TRDMT1: variants seen among roughly 807,000 people sequenced by gnomAD.
TRDMT1 encodes the protein tRNA (cytosine(38)-C(5))-methyltransferase.
A neutral mutation model predicts 51.2 loss-of-function variants in TRDMT1; 49 were observed. That is an observed-to-expected ratio of 0.96 (90% CI 0.76 to 1.21). The LOEUF is 1.21. Among genes scored for constraint, TRDMT1 ranks in the 50% most tolerant of loss-of-function variants. The pLI is 0.00. For synonymous variants in TRDMT1, 187 were observed against 164.6 expected (o/e 1.14, Z -1.04); for missense variants, 534 against 462.3 (o/e 1.16, Z -1.42).
rs1260819814 is a variant in TRDMT1 at position 17,145,694 on chromosome 10, A to G, written c.*3346T>C. The G allele has an allele frequency of 2.0e-6, 2 of 985,312 alleles. No homozygotes were observed. The highest frequency in any genetic ancestry group is 2.4e-6 in the Non-Finnish European group (2 of 829,928). The allele number at this position is 985,312 out of a possible 1,614,324, so 61.0% of individuals were successfully genotyped here. On this transcript the variant is annotated 3_prime_UTR_variant, in exon 11 of 11. Coordinates refer to ENST00000377799, the MANE Select transcript of TRDMT1 (RefSeq NM_004412.7). ...TATGTGGGATTAAAATTTGGTCCTT[A>G]TTGTGTTATCTTGGCTTTTTTAGAA...
At chr10:17,178,548 C>G (rs369747503) in intron 1 of TRDMT1, among the ~76,000 whole-genome samples, 2 of 151,876 alleles carry the variant, frequency 1.3e-5, no homozygotes, top group South Asian at 4.2e-4. Context: ...TGGTGGCACA[C>G]GCCTGTAATC....
At chr10:17,187,725 G>C (rs1476773586) in intron 1 of TRDMT1, among the ~76,000 whole-genome samples, 3 of 152,150 alleles carry the variant, frequency 2.0e-5, no homozygotes, top group Non-Finnish European at 4.4e-5. Flanking sequence ...CAGGGCAGAG[G>C]ATACAAGTTT....
intron 1 of TRDMT1, among the ~76,000 whole-genome samples, chr10:17,182,612 A>T (rs1233733311): frequency 6.6e-6 from 1 of 152,204 alleles, no homozygotes; most frequent in African/African-American, 2.4e-5. Flanking sequence ...GAAGGTCAAG[A>T]GTCTTCAATT....
intron 6 of TRDMT1, 84 bp downstream of exon 6, chr10:17,160,221 T>C: frequency 1.1e-6 from 1 of 887,546 alleles, no homozygotes; most frequent in East Asian, 3.0e-5. Flanking sequence ...AATAAAGCCA[T>C]TCTGCTTATC....
intron 2 of TRDMT1, among the ~76,000 whole-genome samples, chr10:17,171,042 C>A (rs1234777340): frequency 2.0e-5 from 3 of 151,592 alleles, no homozygotes; most frequent in Non-Finnish European, 4.4e-5. Context: ...TGGTGGACAT[C>A]CTTGTCTTTT....
At chr10:17,198,199 CT>C (rs1347047364) in intron 1 of TRDMT1, among the ~76,000 whole-genome samples, 3 of 152,116 alleles carry the variant, frequency 2.0e-5, no homozygotes, top group South Asian at 4.1e-4. Flanking sequence ...AAACGGAGTG[CT>C]CATGCAATGG....
intron 1 of TRDMT1, among the ~76,000 whole-genome samples, chr10:17,193,278 G>T (rs1272904915): frequency 6.6e-6 from 1 of 152,248 alleles, no homozygotes; most frequent in Admixed American, 6.5e-5. Flanking sequence ...CAGGAGAATC[G>T]CTGGAACCCA....
Position 17,149,063 on chromosome 10 carries a change from G to T in TRDMT1, c.1153C>A (p.Leu385Ile). The stretch of plus-strand genomic sequence containing the variant: ...AATTATTCATATAAGATTTTGATTA[G>T]TTTAGCTACTACATGCACGTTGAGA... The part of the protein sequence containing the change: ...NSLNVHVVAK[L>I]IKILYE The change falls in exon 11 of 11, where the codon CTA becomes ATA. Residue 385 changes from leucine (L) to isoleucine (I), a missense_variant. Physicochemically the swap from Leu to Ile is conservative, Grantham distance 5. Coordinates refer to ENST00000377799, the MANE Select transcript of TRDMT1 (RefSeq NM_004412.7). The T allele has an allele frequency of 6.2e-7, 1 of 1,610,000 alleles. No homozygotes were observed.
Position 17,161,470 on chromosome 10 carries a change from T to A in TRDMT1, c.389+13A>T. 1 of 1,365,324 alleles carries A rather than the reference T, an allele frequency of 7.3e-7. No individual in the cohort carries two copies. The highest frequency in any genetic ancestry group is 9.8e-7 in the Non-Finnish European group (1 of 1,016,940). 84.6% of individuals were successfully genotyped at this position (1,365,324 alleles called of 1,614,324 possible). A position where few individuals can be genotyped will look rare whatever the true frequency, so the allele number is the denominator to read the frequency against. ...AAGTCTAAGATGTATGCAAGACAAA[T>A]ACATTTTTTTACCTTGTAGAAGATA... On this transcript the variant is annotated intron_variant, in intron 5 of 10. Coordinates refer to ENST00000377799, the MANE Select transcript of TRDMT1 (RefSeq NM_004412.7).
At position 17,137,340 on chromosome 10, in the gene TRDMT1, T is replaced by C. The variant is rs1302890216; in HGVS notation, c.*11700A>G. 6.6e-5 allele frequency: 10 copies of C among 152,154 alleles called. No homozygotes were observed. The highest frequency in any genetic ancestry group is 6.5e-4 in the Admixed American group (10 of 15,278). 9.4% of individuals were successfully genotyped at this position (152,154 alleles called of 1,614,324 possible). A position where few individuals can be genotyped will look rare whatever the true frequency, so the allele number is the denominator to read the frequency against. On this transcript the variant is annotated 3_prime_UTR_variant, in exon 11 of 11. Transcript: ENST00000377799. ...ACGAAGTCCTTGACCATGGGGGAAA[T>C]TTGAAAGAAGTAAATTTATTGACCT...
rs936866404 is a variant in TRDMT1, at chr10:17,157,845, C to T, written c.544-61G>A. The T allele has an allele frequency of 2.3e-6, 3 of 1,299,764 alleles. No individual in the cohort carries two copies. In the African/African-American group the frequency reaches 4.4e-5, roughly 19 times the overall value. 80.5% of individuals were successfully genotyped at this position (1,299,764 alleles called of 1,614,324 possible). A position where few individuals can be genotyped will look rare whatever the true frequency, so the allele number is the denominator to read the frequency against. ...TTGCATTAAAAATAAGAGAAATTAA[C>T]AATGTCCAGTCAACATTACGAAAAC... On this transcript the variant is annotated intron_variant, in intron 7 of 10. Transcript: ENST00000377799.
At chr10:17,166,262 T>C (rs2131466347) in intron 3 of TRDMT1, among the ~76,000 whole-genome samples, 1 of 150,810 alleles carries the variant, frequency 6.6e-6, no homozygotes, top group South Asian at 2.1e-4. Context: ...CAGCAAACTA[T>C]CACAAGGACA....
chr10:17,184,030 C>G (rs1843601094), intron 1 of TRDMT1, among the ~76,000 whole-genome samples: 1 of 152,184 alleles, frequency 6.6e-6, no homozygotes, highest in African/African-American at 2.4e-5. Context: ...TTATGAAAGT[C>G]TTCTAAAGAT....
intron 1 of TRDMT1, among the ~76,000 whole-genome samples, chr10:17,183,541 C>T (rs1251727677): frequency 6.6e-6 from 1 of 152,086 alleles, no homozygotes; most frequent in East Asian, 1.9e-4. Context: ...CTTCAGCTTC[C>T]TGAGTAGCTG....
chr10:17,194,104 A>G (rs1345437900), intron 1 of TRDMT1, among the ~76,000 whole-genome samples: 1 of 152,244 alleles, frequency 6.6e-6, no homozygotes, highest in Non-Finnish European at 1.5e-5. Context: ...GGCTAGCCAT[A>G]TGCAGGAGAA....
At chr10:17,170,690 G>C (rs1477077575) in intron 2 of TRDMT1, among the ~76,000 whole-genome samples, 1 of 152,112 alleles carries the variant, frequency 6.6e-6, no homozygotes, top group African/African-American at 2.4e-5. Flanking sequence ...TCCTATCCAA[G>C]ACCACAGTAC....
In TRDMT1 at chr10:17,157,789, C is replaced by A; in HGVS notation, c.544-5G>T. The A allele has an allele frequency of 6.5e-7, 1 of 1,549,338 alleles. No homozygotes were observed. Among genetic ancestry groups the A allele is most frequent in the East Asian group, 2.3e-5 (1 of 44,252 alleles). ...TTTGGGGAACTCCATCAGTACCTGG[C>A]ATTACATAAAAATACACAAATTGTC... On this transcript the variant is annotated splice_polypyrimidine_tract_variant and splice_region_variant and intron_variant, in intron 7 of 10. Transcript: ENST00000377799.
chr10:17,176,190 G>C (rs1426133426), intron 1 of TRDMT1, among the ~76,000 whole-genome samples: 1 of 152,140 alleles, frequency 6.6e-6, no homozygotes. Context: ...CACTGTAAGA[G>C]AGCTGAAAAT....
intron 1 of TRDMT1, among the ~76,000 whole-genome samples, chr10:17,179,093 A>G (rs1588625429): frequency 6.6e-6 from 1 of 152,162 alleles, no homozygotes; most frequent in African/African-American, 2.4e-5. Context: ...GAAAATAAAG[A>G]TGTTATGTCA....
Sources: allele counts gnomAD v4.1 joint callset (sites outside exome capture counted in the v4.1 genomes callset), GRCh38; gene constraint gnomAD v4.1.1; transcripts MANE v1.5; gene names NCBI Gene and HGNC (gene_info 2026-07-23, HGNC 2026-07-21).